XPO1: variants seen among roughly 807,000 people sequenced by gnomAD.
XPO1 encodes the protein exportin-1.
In XPO1, 5 loss-of-function variants were observed where a neutral mutation model predicts 133.3. The ratio of observed to expected loss-of-function variants is 0.04; its 90% confidence interval spans 0.02 to 0.08. The LOEUF (loss-of-function observed/expected upper bound fraction) is 0.08. XPO1 is among the 10% of genes least tolerant of loss of function. The pLI, the probability that XPO1 is intolerant of heterozygous loss-of-function variation, is 1.00. For synonymous variants in XPO1, 419 were observed against 408.2 expected (o/e 1.03, Z -0.32); for missense variants, 506 against 1,267.5 (o/e 0.40, Z 9.12).
At chr2:61,483,201 T>G (rs903350844) in intron 21 of XPO1, 110 bp from the exon 22 acceptor site, 38 of 1,234,358 alleles carry the variant, frequency 3.1e-5, no homozygotes, top group South Asian at 6.5e-5. Flanking sequence ...CCCTTTTTTT[T>G]GGGATGATGA....
intron 19 of XPO1, among the ~76,000 whole-genome samples, chr2:61,486,780 ACT>A (rs1312907931): frequency 2.6e-5 from 4 of 152,006 alleles, no homozygotes; most frequent in Non-Finnish European, 5.9e-5. Context: ...TCAATCAATT[ACT>A]CTCAGAAAAT....
At chr2:61,512,150 T>C (rs1326935028) in intron 4 of XPO1, among the ~76,000 whole-genome samples, 1 of 152,214 alleles carries the variant, frequency 6.6e-6, no homozygotes, top group African/African-American at 2.4e-5. Context: ...CTCTCTGAGA[T>C]TAGACTGATA....
At position 61,482,998 on chromosome 2, in the gene XPO1, T is replaced by C; in HGVS notation, c.2771A>G (p.Gln924Arg). 1 of 1,613,736 alleles carries C rather than the reference T, an allele frequency of 6.2e-7. No homozygotes were observed. Among genetic ancestry groups the C allele is most frequent in the Non-Finnish European group, 8.5e-7 (1 of 1,179,952 alleles). Residue 924 changes from glutamine to arginine, a missense_variant, in exon 22 of 25, where the codon CAG becomes CGG. Transcript: ENST00000401558. ...GTCTGTCACAACAGAAAAGATATGC[T>C]GGAGAATATCACAAAAATAAGTTTG... ...FYQTYFCDIL[Q>R]HIFSVVTDTS... is the part of the protein sequence containing the mutation.
At chr2:61,518,158 CA>C (rs1215693175) in intron 4 of XPO1, among the ~76,000 whole-genome samples, 1 of 151,052 alleles carries the variant, frequency 6.6e-6, no homozygotes, top group East Asian at 2.0e-4. Context: ...AAGCCTGAGG[CA>C]AGAGGATCAC....
At chr2:61,522,798 T>C in intron 3 of XPO1, 115 bp from the exon 4 acceptor site, 1 of 736,802 alleles carries the variant, frequency 1.4e-6, no homozygotes. Flanking sequence ...AAAAACATTA[T>C]GCTACCAAGT....
intron 4 of XPO1, among the ~76,000 whole-genome samples, chr2:61,511,808 G>A (rs1330353336): frequency 2.0e-5 from 3 of 151,808 alleles, no homozygotes; most frequent in African/African-American, 7.3e-5. Context: ...GCCCAGGCTG[G>A]AATGCAGTGG....
intron 2 of XPO1, among the ~76,000 whole-genome samples, chr2:61,529,095 G>C (rs1699042565): frequency 6.6e-6 from 1 of 152,082 alleles, no homozygotes; most frequent in African/African-American, 2.4e-5. Flanking sequence ...GGAGGCTGAG[G>C]TGGGAAGATT....
chr2:61,485,471 T>A (rs1340789277), intron 20 of XPO1: 1 of 124,598 alleles, frequency 8.0e-6, no homozygotes, highest in African/African-American at 3.2e-5. Flanking sequence ...CAGGCTCAAG[T>A]GACCCCCCCC....
chr2:61,491,669 G>GT (rs1276927318), intron 16 of XPO1, among the ~76,000 whole-genome samples: 4 of 152,122 alleles, frequency 2.6e-5, no homozygotes, highest in Non-Finnish European at 2.9e-5. Context: ...TGAGGCAAGC[G>GT]TATCGCTTGA....
At chr2:61,520,895 A>C (rs1318706208) in intron 4 of XPO1, among the ~76,000 whole-genome samples, 1 of 152,190 alleles carries the variant, frequency 6.6e-6, no homozygotes, top group Non-Finnish European at 1.5e-5. Context: ...GCCAAAATTA[A>C]ATCTGGGGCT....
rs2305154 is a variant in XPO1 at position 61,502,095 on chromosome 2, T to C, written c.364-55A>G. 2,640 of 1,542,132 alleles carry C rather than the reference T, an allele frequency of 1.7e-3. 41 individuals carry two copies. In the African/African-American group the frequency reaches 0.029, roughly 17 times the overall value. ...CCTGAGGTAAGTATAAATAAGAATA[T>C]AACCAGACAATCCTAACAAATGATT... On this transcript the variant is annotated intron_variant, in intron 5 of 24. Coordinates refer to ENST00000401558, the MANE Select transcript of XPO1 (RefSeq NM_003400.4).
intron 5 of XPO1, 77 bp downstream of exon 5, chr2:61,502,172 A>G: frequency 6.4e-7 from 1 of 1,554,012 alleles, no homozygotes; most frequent in Non-Finnish European, 8.8e-7. Flanking sequence ...ATGTGTCTTG[A>G]CAGAATTAGG....
intron 4 of XPO1, among the ~76,000 whole-genome samples, chr2:61,518,235 A>C (rs1192706701): frequency 6.6e-6 from 1 of 151,936 alleles, no homozygotes; most frequent in Non-Finnish European, 1.5e-5. Flanking sequence ...CCTGAGCAAC[A>C]GAGTGAAACC....
rs753424450 is a variant in XPO1, at chr2:61,519,698, C to CAAAAAA, written c.301+2907_301+2912dup. 3.4e-3 allele frequency among the ~76,000 whole-genome samples: 250 copies of CAAAAAA among 72,730 alleles called. 2 individuals carry two copies. Among genetic ancestry groups the CAAAAAA allele is most frequent in the African/African-American group, 7.0e-3 (104 of 14,886 alleles). The allele number at this position is 72,730 out of a possible 152,430, so 47.7% of individuals were successfully genotyped here. A position where few individuals can be genotyped will look rare whatever the true frequency, so the allele number is the denominator to read the frequency against. On this transcript the variant is annotated intron_variant, in intron 4 of 24. Coordinates refer to ENST00000401558, the MANE Select transcript of XPO1 (RefSeq NM_003400.4). ...TGGGCAACAGAGCAAGACTCCGTCT[C>CAAAAAA]AAAAAAAAAAAAAAAAAAAAAAAAA...
At chr2:61,507,558 G>C (rs1309865513) in intron 4 of XPO1, among the ~76,000 whole-genome samples, 1 of 151,750 alleles carries the variant, frequency 6.6e-6, no homozygotes. Flanking sequence ...GCAACAGAGG[G>C]GATCTCTGTC....
intron 4 of XPO1, among the ~76,000 whole-genome samples, chr2:61,516,586 G>A (rs991301493): frequency 6.6e-6 from 1 of 151,708 alleles, no homozygotes; most frequent in Non-Finnish European, 1.5e-5. Flanking sequence ...GGCTAATTTT[G>A]TATTTGTAGT....
intron 4 of XPO1, among the ~76,000 whole-genome samples, chr2:61,520,726 T>C (rs554133712): frequency 1.5e-4 from 23 of 152,336 alleles, no homozygotes; most frequent in Middle Eastern, 3.4e-3. Flanking sequence ...GATAAACTAG[T>C]ATAATCATAT....
rs1472379483 is a variant in XPO1, at chr2:61,491,488, AC to A, written c.1887+546del. Among the ~76,000 whole-genome samples the A allele has an allele frequency of 2.7e-5, 4 of 150,174 alleles. No individual in the cohort carries two copies. The East Asian group carries it at 7.9e-4, about 30-fold the overall frequency. ...CACACACACACACACACACACACAC[AC>A]ACACACACCCCAAAACAAAACAAAA... On this transcript the variant is annotated intron_variant, in intron 16 of 24. Coordinates refer to ENST00000401558, the MANE Select transcript of XPO1 (RefSeq NM_003400.4).
At chr2:61,527,872 GGA>G (rs1309872449) in intron 2 of XPO1, among the ~76,000 whole-genome samples, 2 of 151,208 alleles carry the variant, frequency 1.3e-5, no homozygotes, top group African/African-American at 4.9e-5. Flanking sequence ...TAAAGTTTAT[GGA>G]AGTCATCTTT....
Sources: gnomAD v4.1 joint callset for allele counts (sites outside exome capture counted in the v4.1 genomes callset) on GRCh38, gnomAD v4.1.1 for gene constraint, MANE v1.5 for transcripts, NCBI Gene and HGNC (gene_info 2026-07-23, HGNC 2026-07-21) for gene names.